KDM3A: variants seen among roughly 807,000 people sequenced by gnomAD.
KDM3A encodes lysine demethylase 3A, also known as lysine-specific demethylase 3A.
In KDM3A, 60 loss-of-function variants were observed where a neutral mutation model predicts 158.0. That is an observed-to-expected ratio of 0.38 (90% confidence interval 0.31 to 0.47). The LOEUF (loss-of-function observed/expected upper bound fraction) is 0.47. Among genes scored for constraint, KDM3A ranks in the 20% least tolerant of loss-of-function variants. KDM3A has a pLI of 0.99. For missense variants in KDM3A, 1,319 were observed against 1,574.3 expected, an observed-to-expected ratio of 0.84 and a Z score of 2.74; for synonymous variants, 608 against 549.3, an observed-to-expected ratio of 1.11 and a Z score of -1.49.
Position 86,456,600 on chromosome 2 carries a change from C to T in KDM3A, c.681+34C>T, listed in dbSNP as rs557987378. On this transcript the variant is annotated intron_variant, in intron 6 of 25. Transcript: ENST00000312912. ...AACAATAACTCTTTGTAAGATAACT[C>T]GACAAAGCATGATAACTATACAAAG... The T allele has an allele frequency of 7.5e-5, 119 of 1,579,580 alleles. 2 individuals are homozygous for T. The South Asian group carries it at 1.3e-3, about 17-fold the overall frequency.
At chr2:86,440,226 T>C (rs1682618447), upstream of KDM3A, among the ~76,000 whole-genome samples, 1 of 152,230 alleles carries the variant, frequency 6.6e-6, no homozygotes, top group African/African-American at 2.4e-5. Context: ...ACATTCAGAA[T>C]ATGTATATTG....
In KDM3A at chr2:86,442,228, C is replaced by G. The variant is rs2104614341; in HGVS notation, c.181C>G (p.Leu61Val). The stretch of plus-strand genomic sequence containing the variant: ...CCACACCGACGTTACCAAGAAGGAT[C>G]TGAAGGTACAGGCGGCTCCGGGCCT... ...VSHTDVTKKD[L>V]KVCVEFDGES... is the part of the protein sequence containing the mutation. Residue 61 changes from leucine (L) to valine (V), a missense_variant, in exon 2 of 26, where the codon CTG becomes GTG. By Grantham distance (32) the Leu-to-Val change is conservative (BLOSUM62 1). Coordinates refer to ENST00000312912, the MANE Select transcript of KDM3A (RefSeq NM_018433.6). The G allele has an allele frequency of 1.2e-6, 2 of 1,607,934 alleles. No individual in the cohort carries two copies. Among genetic ancestry groups the G allele is most frequent in the East Asian group, 2.3e-5 (1 of 44,164 alleles).
chr2:86,455,260 C>T (rs1672639123), intron 5 of KDM3A, 73 bp downstream of exon 5: 1 of 834,056 alleles, frequency 1.2e-6, no homozygotes, highest in Non-Finnish European at 1.9e-6. Context: ...AGGGTTTAGC[C>T]TCTCATTCAT....
At chr2:86,488,129 TATAA>T (rs1674274567) in intron 21 of KDM3A, 1 of 152,244 alleles carries the variant, frequency 6.6e-6, no homozygotes, top group Non-Finnish European at 1.5e-5. Flanking sequence ...TTGAACTTCA[TATAA>T]ATAGAATCAG....
rs769446587 is a variant in KDM3A, at chr2:86,455,070, T to A, written c.454-15T>A. 1.4e-6 allele frequency: 2 copies of A among 1,418,712 alleles called. No homozygotes were observed. Among genetic ancestry groups the A allele is most frequent in the Admixed American group, 4.1e-5 (2 of 48,834 alleles). 87.9% of individuals were successfully genotyped at this position (1,418,712 alleles called of 1,614,324 possible). On this transcript the variant is annotated splice_polypyrimidine_tract_variant and intron_variant, in intron 4 of 25. Transcript: ENST00000312912. ...AACTGTTACCCTTAACATGTAATGATCTTTCATTTTTCAGGATGTAAACAG... is the reference window on the plus strand; with the variant it reads ...AACTGTTACCCTTAACATGTAATGAACTTTCATTTTTCAGGATGTAAACAG...
chr2:86,459,334 A>G (rs961057298), intron 8 of KDM3A, among the ~76,000 whole-genome samples: 2 of 152,204 alleles, frequency 1.3e-5, no homozygotes, highest in African/African-American at 4.8e-5. Context: ...AACAGGATAT[A>G]ATAATAATTT....
chr2:86,440,375 TA>T (rs1682628964), upstream of KDM3A, among the ~76,000 whole-genome samples: 1 of 152,230 alleles, frequency 6.6e-6, no homozygotes, highest in African/African-American at 2.4e-5. Flanking sequence ...TGTCAAACAC[TA>T]GCCTTTATGA....
intron 14 of KDM3A, 25 bp downstream of exon 14, chr2:86,478,290 T>TC (rs1289371553): frequency 6.5e-7 from 1 of 1,535,354 alleles, no homozygotes; most frequent in Non-Finnish European, 9.0e-7. Flanking sequence ...GCAGTGATTT[T>TC]CTTTCCCCTT....
intron 10 of KDM3A, among the ~76,000 whole-genome samples, chr2:86,469,232 A>G (rs1342917943): frequency 1.3e-5 from 2 of 152,036 alleles, no homozygotes; most frequent in African/African-American, 2.4e-5. Flanking sequence ...CTTTATTTAA[A>G]ACCTTCTTTG....
Position 86,482,655 on chromosome 2 carries a change from C to T in KDM3A, c.2883C>T (p.Ser961=), listed in dbSNP as rs756910908. The T allele has an allele frequency of 1.9e-6, 3 of 1,614,106 alleles. No homozygotes were observed. In the South Asian group the frequency reaches 3.3e-5, roughly 18 times the overall value. Residue 961 remains serine (S), a synonymous_variant, in exon 18 of 26, where the codon AGC becomes AGT. Transcript: ENST00000312912. The part of the protein sequence containing the change: ...LLCLQDPNNK[S]NWNVFRECWK... ...GCTTGCAAGACCCCAACAATAAGAGCAACTGGAATGTGTTTAGGGAGTGCT... is the reference window on the plus strand; with the variant it reads ...GCTTGCAAGACCCCAACAATAAGAGTAACTGGAATGTGTTTAGGGAGTGCT...
intron 18 of KDM3A, chr2:86,483,590 C>T (rs1225595274): frequency 1.3e-5 from 2 of 154,536 alleles, no homozygotes; most frequent in African/African-American, 2.4e-5. Flanking sequence ...TGAGGGGTGT[C>T]ACAGGCCATA....
intron 11 of KDM3A, among the ~76,000 whole-genome samples, chr2:86,471,008 G>A (rs909196065): frequency 6.6e-6 from 1 of 152,066 alleles, no homozygotes; most frequent in African/African-American, 2.4e-5. Context: ...AGGATTACTA[G>A]AAGTGGCATT....
chr2:86,463,973 A>G, intron 8 of KDM3A, 80 bp from the exon 9 acceptor site: 1 of 1,061,752 alleles, frequency 9.4e-7, no homozygotes, highest in Non-Finnish European at 1.3e-6. Context: ...TATTAAGCAA[A>G]TGATCTTAAA....
intron 2 of KDM3A, among the ~76,000 whole-genome samples, chr2:86,447,288 C>CCT (rs1553390591): frequency 2.9e-5 from 4 of 135,660 alleles, no homozygotes; most frequent in Admixed American, 2.2e-4. Flanking sequence ...AGGAGGTAAA[C>CCT]TTTTTTTTTT....
In KDM3A at chr2:86,455,229, A is replaced by G. The variant is rs368560015; in HGVS notation, c.556+42A>G. 6.3e-4 allele frequency: 668 copies of G among 1,067,220 alleles called. 2 individuals are homozygous for G. The highest frequency in any genetic ancestry group is 3.6e-3 in the Admixed American group (161 of 44,332). 66.1% of individuals were successfully genotyped at this position (1,067,220 alleles called of 1,614,324 possible). A position where few individuals can be genotyped will look rare whatever the true frequency, so the allele number is the denominator to read the frequency against. ...GTGGTGATAGTTCACGAGTTGACCA[A>G]TGATTAGCTTGTGAGAAACTAGGGT... On this transcript the variant is annotated intron_variant, in intron 5 of 25. Coordinates refer to ENST00000312912, the MANE Select transcript of KDM3A (RefSeq NM_018433.6).
At chr2:86,441,859 G>A in intron 1 of KDM3A, 159 bp from the exon 2 acceptor site, 1 of 312,062 alleles carries the variant, frequency 3.2e-6, no homozygotes, top group Non-Finnish European at 5.6e-6. Flanking sequence ...GGGGAGGGCG[G>A]CGGGGGGCGG....
At chr2:86,477,807 C>T (rs888435922) in intron 12 of KDM3A, 70 bp from the exon 13 acceptor site, 1 of 1,427,790 alleles carries the variant, frequency 7.0e-7, no homozygotes, top group African/African-American at 1.4e-5. Flanking sequence ...TGACAATAAC[C>T]CCTACCTTTC....
At chr2:86,444,769 T>C (rs1488633143) in intron 2 of KDM3A, among the ~76,000 whole-genome samples, 1 of 152,188 alleles carries the variant, frequency 6.6e-6, no homozygotes, top group Non-Finnish European at 1.5e-5. Context: ...CTGGCTTGTT[T>C]AGATAGTTAT....
intron 1 of KDM3A, 50 bp from the exon 2 acceptor site, chr2:86,441,968 C>T (rs1682737162): frequency 2.7e-6 from 4 of 1,459,876 alleles, no homozygotes; most frequent in South Asian, 1.1e-5. Flanking sequence ...CTCCGCCCGG[C>T]CCCCTCCCAC....
Sources: gnomAD v4.1 joint callset for allele counts (sites outside exome capture counted in the v4.1 genomes callset) on GRCh38, gnomAD v4.1.1 for gene constraint, MANE v1.5 for transcripts, NCBI Gene and HGNC (gene_info 2026-07-23, HGNC 2026-07-21) for gene names.